The following AKAP6 variants were observed in gnomAD, a reference collection of about 807,000 sequenced individuals.
The protein encoded by AKAP6 is A-kinase anchor protein 6.
AKAP6 carries 58 observed loss-of-function variants against 188.5 expected under a neutral mutation model. The observed-to-expected ratio is 0.31, with a 90% CI of 0.25 to 0.38. The LOEUF (loss-of-function observed/expected upper bound fraction) is 0.38, where lower values mean the gene tolerates loss of function less well. Among genes scored for constraint, AKAP6 ranks in the 10% least tolerant of loss-of-function variants. AKAP6 has a pLI of 1.00. For synonymous variants in AKAP6, 989 were observed against 998.6 expected, an observed-to-expected ratio of 0.99 and a Z score of 0.18; for missense variants, 2,710 against 2,740.0, an observed-to-expected ratio of 0.99 and a Z score of 0.24.
intron 9 of AKAP6, among the ~76,000 whole-genome samples, chr14:32,731,077 C>T (rs1476506800): frequency 2.6e-5 from 4 of 152,170 alleles, no homozygotes; most frequent in African/African-American, 9.7e-5. Flanking sequence ...CCCTGATCAA[C>T]ATTCATTAAT....
chr14:32,390,955 T>A (rs1488772045), intron 1 of AKAP6, among the ~76,000 whole-genome samples: 1 of 152,142 alleles, frequency 6.6e-6, no homozygotes, highest in South Asian at 2.1e-4. Context: ...TCTCTGTTTT[T>A]TAAACGTTGC....
intron 1 of AKAP6, among the ~76,000 whole-genome samples, chr14:32,348,310 C>T (rs926145850): frequency 2.6e-5 from 4 of 151,680 alleles, no homozygotes; most frequent in South Asian, 2.1e-4. Context: ...AGATACTGGG[C>T]GTAAAAAGCA....
chr14:32,701,610 A>C (rs1236450289), intron 9 of AKAP6, among the ~76,000 whole-genome samples: 2 of 152,172 alleles, frequency 1.3e-5, no homozygotes, highest in Non-Finnish European at 2.9e-5. Context: ...TACAAGAAGA[A>C]GTATGGAACA....
intron 1 of AKAP6, among the ~76,000 whole-genome samples, chr14:32,404,258 T>G (rs964471185): frequency 6.6e-6 from 1 of 152,156 alleles, no homozygotes; most frequent in African/African-American, 2.4e-5. Flanking sequence ...ATTAATTCTT[T>G]CCATTAGCCT....
Position 32,545,840 on chromosome 14 carries a change from T to G in AKAP6, c.1187T>G (p.Leu396Arg). Residue 396 changes from leucine (L) to arginine (R), a missense_variant, in exon 4 of 14, where the codon CTT becomes CGT. By Grantham distance (102) the Leu-to-Arg change is moderately radical. This residue lies in a region of AKAP6 where 2,473 missense variants were observed against 2,426.1 expected (regional missense o/e 1.02). Coordinates refer to ENST00000280979, the MANE Select transcript of AKAP6 (RefSeq NM_004274.5). ...QPTLPKRGLF[L>R]KEETFKNDLK... is the part of the protein sequence containing the mutation. ...ACATTGCCAAAAAGAGGACTTTTTCTTAAAGAGGAAACTTTTAAGAATGAT... is the reference window on the plus strand; with the variant it reads ...ACATTGCCAAAAAGAGGACTTTTTCGTAAAGAGGAAACTTTTAAGAATGAT... The G allele has an allele frequency of 6.2e-7, 1 of 1,614,228 alleles. No homozygotes were observed. The highest frequency in any genetic ancestry group is 8.5e-7 in the Non-Finnish European group (1 of 1,180,032).
chr14:32,761,374 G>A lies in AKAP6; in HGVS notation c.3373-12304G>A, dbSNP rs118175235. Among the ~76,000 whole-genome samples the A allele has an allele frequency of 6.6e-5, 10 of 152,160 alleles. No individual in the cohort carries two copies. The East Asian group carries it at 1.7e-3, about 26-fold the overall frequency. ...CTTTCCTAAAATACCTTTTCCTAGC[G>A]TTTATACTTCAAGTAACAGTCTGAA... On this transcript the variant is annotated intron_variant, in intron 11 of 13. Coordinates refer to ENST00000280979, the MANE Select transcript of AKAP6 (RefSeq NM_004274.5).
chr14:32,600,882 T>C, intron 7 of AKAP6, 90 bp downstream of exon 7: 1 of 1,260,896 alleles, frequency 7.9e-7, no homozygotes, highest in Non-Finnish European at 1.1e-6. Flanking sequence ...ACCCTAAGGC[T>C]TTTTGTTTCT....
At chr14:32,460,826 A>G (rs974055562) in intron 2 of AKAP6, among the ~76,000 whole-genome samples, 5 of 152,164 alleles carry the variant, frequency 3.3e-5, no homozygotes, top group African/African-American at 1.2e-4. Flanking sequence ...CTGGCTTGAA[A>G]TTCTTGCTGC....
rs140350770 is a variant in AKAP6 at position 32,834,616 on chromosome 14, C to T, written c.*4811C>T. On this transcript the variant is annotated 3_prime_UTR_variant, in exon 14 of 14. Coordinates refer to ENST00000280979, the MANE Select transcript of AKAP6 (RefSeq NM_004274.5). ...TTTCTTTGGGCTTTTATAACATCGA[C>T]AGTTCTGAAAAGTCCAGGCCAGTTT... 2.2e-4 allele frequency: 31 copies of T among 142,516 alleles called. No individual in the cohort carries two copies. The highest frequency in any genetic ancestry group is 7.4e-4 in the African/African-American group (29 of 38,970). The allele number at this position is 142,516 out of a possible 1,614,324, so 8.8% of individuals were successfully genotyped here.
intron 2 of AKAP6, among the ~76,000 whole-genome samples, chr14:32,462,901 CA>C (rs71143943): frequency 2.2e-3 from 19 of 8,832 alleles, no homozygotes; most frequent in East Asian, 4.3e-3. Context: ...AAATGGAAAG[CA>C]AAAAAAAAAA....
intron 12 of AKAP6, among the ~76,000 whole-genome samples, chr14:32,795,376 A>G (rs866980878): frequency 6.6e-6 from 1 of 152,224 alleles, no homozygotes; most frequent in Non-Finnish European, 1.5e-5. Flanking sequence ...TGTAGATGCA[A>G]AAATCCTCAA....
In AKAP6 at chr14:32,836,901, A is replaced by T. The variant is rs1464302835; in HGVS notation, c.*7096A>T. On this transcript the variant is annotated 3_prime_UTR_variant, in exon 14 of 14. Transcript: ENST00000280979. ...TTCTTCAGAAAAAAAGGAATTCAAA[A>T]AGCAAATGTAAAATGGAACAGAACT... The T allele has an allele frequency of 6.6e-6, 1 of 152,198 alleles. No individual in the cohort carries two copies. The highest frequency in any genetic ancestry group is 6.5e-5 in the Admixed American group (1 of 15,284). 9.4% of individuals were successfully genotyped at this position (152,198 alleles called of 1,614,324 possible).
intron 2 of AKAP6, among the ~76,000 whole-genome samples, chr14:32,534,582 T>G (rs962723700): frequency 6.6e-6 from 1 of 152,182 alleles, no homozygotes; most frequent in Non-Finnish European, 1.5e-5. Flanking sequence ...CAAAATTGTA[T>G]TTTGTCTTTT....
At chr14:32,776,462 G>A (rs2033068580) in intron 12 of AKAP6, among the ~76,000 whole-genome samples, 1 of 152,174 alleles carries the variant, frequency 6.6e-6, no homozygotes, top group Admixed American at 6.5e-5. Flanking sequence ...ACATGGAACT[G>A]TGAGTTCATT....
chr14:32,641,484 A>G (rs912393486), intron 7 of AKAP6, among the ~76,000 whole-genome samples: 21 of 151,150 alleles, frequency 1.4e-4, no homozygotes, highest in East Asian at 7.8e-4. Context: ...AAAAAAAAAA[A>G]AAAAGAAAAG....
At chr14:32,570,552 A>G (rs942759009) in intron 4 of AKAP6, among the ~76,000 whole-genome samples, 1 of 152,272 alleles carries the variant, frequency 6.6e-6, no homozygotes, top group South Asian at 2.1e-4. Flanking sequence ...AACTTTTGTG[A>G]ATTAGGAATG....
In AKAP6 at chr14:32,418,609, C is replaced by T. The variant is rs1321003262; in HGVS notation, c.-34-14851C>T. On this transcript the variant is annotated intron_variant, in intron 1 of 13. Coordinates refer to ENST00000280979, the MANE Select transcript of AKAP6 (RefSeq NM_004274.5). Reference sequence around the variant, plus strand: ...CTAAATTTTAAAAAAAATCTTGTTTCTGTCTTTGCTGGATGGAAGAGTTGG... The same window carrying T: ...CTAAATTTTAAAAAAAATCTTGTTTTTGTCTTTGCTGGATGGAAGAGTTGG... Among the ~76,000 whole-genome samples, 3 of 152,214 alleles carry T rather than the reference C, an allele frequency of 2.0e-5. No individual in the cohort carries two copies. In the East Asian group the frequency reaches 5.8e-4, roughly 29 times the overall value.
chr14:32,829,933 T>C lies in AKAP6; in HGVS notation c.*128T>C, dbSNP rs1293785594. 5.7e-6 allele frequency: 4 copies of C among 702,744 alleles called. No individual in the cohort carries two copies. The Admixed American group carries it at 8.0e-5, about 14-fold the overall frequency. 43.5% of individuals were successfully genotyped at this position (702,744 alleles called of 1,614,324 possible). A position where few individuals can be genotyped will look rare whatever the true frequency, so the allele number is the denominator to read the frequency against. ...CCATCACGTTTGTCACTGCCGTTTA[T>C]TACATTGACTTCTCCCAAGATGAAT... is the stretch of plus-strand genomic sequence containing the variant. On this transcript the variant is annotated 3_prime_UTR_variant, in exon 14 of 14. Transcript: ENST00000280979.
intron 2 of AKAP6, among the ~76,000 whole-genome samples, chr14:32,490,345 C>G (rs1879946023): frequency 1.3e-5 from 2 of 152,138 alleles, no homozygotes; most frequent in African/African-American, 4.8e-5. Flanking sequence ...TGAATGTTGC[C>G]TTTTTATAAA....
Sources: gnomAD v4.1 joint callset for allele counts (sites outside exome capture counted in the v4.1 genomes callset) on GRCh38, gnomAD v4.1.1 for gene constraint, gnomAD v4.1.1 regional missense constraint, MANE v1.5 for transcripts, NCBI Gene and HGNC (gene_info 2026-07-23, HGNC 2026-07-21) for gene names.